TMEM183A: variants seen among roughly 807,000 people sequenced by gnomAD.
TMEM183A encodes the protein chromosome 1 open reading frame 37.
In TMEM183A, 21 loss-of-function variants were observed where a neutral mutation model predicts 46.7. The ratio of observed to expected loss-of-function variants is 0.45; its 90% CI spans 0.32 to 0.65. The LOEUF (loss-of-function observed/expected upper bound fraction) is 0.65, where lower values mean the gene tolerates loss of function less well. Ranked by LOEUF, TMEM183A falls within the 30% of genes least tolerant of loss-of-function variation. The pLI is 0.04. For missense variants in TMEM183A, 331 were observed against 481.9 expected (o/e 0.69, Z 2.93); for synonymous variants, 165 against 180.2 (o/e 0.92, Z 0.68).
In TMEM183A at chr1:203,007,937, C is replaced by T; in HGVS notation, c.199+74C>T. On this transcript the variant is annotated intron_variant, in intron 2 of 7. Transcript: ENST00000367242. ...AGGTATTTTATTTCTGTTTTTCTTG[C>T]AGTCCTTTAGTCGTCTTCCTGTAAC... 1.9e-6 allele frequency: 3 copies of T among 1,571,132 alleles called. No homozygotes were observed. The South Asian group carries it at 3.4e-5, about 18-fold the overall frequency.
At chr1:203,020,334 C>T (rs1558045269) in intron 6 of TMEM183A, among the ~76,000 whole-genome samples, 1 of 152,182 alleles carries the variant, frequency 6.6e-6, no homozygotes, top group Non-Finnish European at 1.5e-5. Context: ...GAAGCAGACA[C>T]TAGGATTACT....
intron 3 of TMEM183A, among the ~76,000 whole-genome samples, chr1:203,012,331 T>C (rs1656738166): frequency 6.6e-6 from 1 of 151,542 alleles, no homozygotes; most frequent in Non-Finnish European, 1.5e-5. Context: ...AATATTTTAG[T>C]AGTTATCTTT....
chr1:203,011,669 A>G (rs1219662643), intron 3 of TMEM183A, among the ~76,000 whole-genome samples: 1 of 152,136 alleles, frequency 6.6e-6, no homozygotes. Flanking sequence ...TCGGCCTCCC[A>G]AAGTGTTGGG....
At position 203,007,592 on chromosome 1, in the gene TMEM183A, G is replaced by C. The variant is rs1488359915; in HGVS notation, c.109+18G>C. On this transcript the variant is annotated intron_variant, in intron 1 of 7. Transcript: ENST00000367242. ...CGGCCGAGGTGGGCGAGGGGGGCAG[G>C]GGCGCTGAAACATTTTGGGGGCTGG... The C allele has an allele frequency of 6.5e-7, 1 of 1,539,506 alleles. No individual in the cohort carries two copies. Among genetic ancestry groups the C allele is most frequent in the Non-Finnish European group, 8.7e-7 (1 of 1,146,442 alleles).
intron 5 of TMEM183A, chr1:203,017,826 C>T: frequency 1.0e-6 from 1 of 985,880 alleles, no homozygotes; most frequent in Non-Finnish European, 1.2e-6. Context: ...AAAGCCAAGC[C>T]CATTAATTTT....
rs141526597 is a variant in TMEM183A, at chr1:203,015,377, C to T, written c.527+329C>T. The T allele has an allele frequency of 1.5e-5, 5 of 332,218 alleles. No individual in the cohort carries two copies. In the East Asian group the frequency reaches 2.6e-4, roughly 17 times the overall value. The allele number at this position is 332,218 out of a possible 1,614,324, so 20.6% of individuals were successfully genotyped here. ...AATGTTTAAAGCTACAGATGCCTAT[C>T]TGCTCATCTTTCCAGCTGGATTAGG... On this transcript the variant is annotated intron_variant, in intron 4 of 7. Transcript: ENST00000367242.
At position 203,024,763 on chromosome 1, in the gene TMEM183A, A is replaced by G. The variant is rs1046542; in HGVS notation, c.*1723A>G. The G allele has an allele frequency of 0.16, 23,639 of 152,224 alleles. 2,236 individuals carry two copies. The highest frequency in any genetic ancestry group is 0.2 in the Non-Finnish European group (13,712 of 68,000). 9.4% of individuals were successfully genotyped at this position (152,224 alleles called of 1,614,324 possible). The stretch of plus-strand genomic sequence containing the variant: ...CCAGGTTGCCTGAACTAAAGATGCC[A>G]TGGAGCAGGAGTGTCTTGGTGCATT... On this transcript the variant is annotated 3_prime_UTR_variant, in exon 8 of 8. Coordinates refer to ENST00000367242, the MANE Select transcript of TMEM183A (RefSeq NM_138391.6).
chr1:203,011,276 C>T (rs774090612), intron 3 of TMEM183A, among the ~76,000 whole-genome samples: 4 of 152,188 alleles, frequency 2.6e-5, no homozygotes, highest in Non-Finnish European at 5.9e-5. Flanking sequence ...TCCTTATCAA[C>T]ACTTGTTATT....
Position 203,007,409 on chromosome 1 carries a change from C to CGCGGAGCCGG in TMEM183A, c.-49_-40dup. 4 of 1,341,154 alleles carry CGCGGAGCCGG rather than the reference C, an allele frequency of 3.0e-6. No individual in the cohort carries two copies. Among genetic ancestry groups the CGCGGAGCCGG allele is most frequent in the Admixed American group, 3.6e-5 (1 of 27,774 alleles). 83.1% of individuals were successfully genotyped at this position (1,341,154 alleles called of 1,614,324 possible). A position where few individuals can be genotyped will look rare whatever the true frequency, so the allele number is the denominator to read the frequency against. On this transcript the variant is annotated 5_prime_UTR_variant, in exon 1 of 8. Transcript: ENST00000367242. ...TTAGCGGCCTCCGGTGTGGGATGGC[C>CGCGGAGCCGG]GCGGAGCCGGGCGGAGCTGGCTTGC...
rs187326922 is a variant in TMEM183A, at chr1:203,023,911, A to T, written c.*871A>T. On this transcript the variant is annotated 3_prime_UTR_variant, in exon 8 of 8. Transcript: ENST00000367242. ...AGGAGTAGGCAGAGTGTACATAGATAAAAAAAAGTAAAAGGGTAAGTAAAA... is the reference window on the plus strand; with the variant it reads ...AGGAGTAGGCAGAGTGTACATAGATTAAAAAAAGTAAAAGGGTAAGTAAAA... The T allele has an allele frequency of 1.1e-4, 16 of 151,962 alleles. No homozygotes were observed. The highest frequency in any genetic ancestry group is 3.1e-4 in the African/African-American group (13 of 41,468). The allele number at this position is 151,962 out of a possible 1,614,324, so 9.4% of individuals were successfully genotyped here.
In TMEM183A at chr1:203,007,392, C is replaced by T. The variant is rs1001443675; in HGVS notation, c.-74C>T. 4 of 1,301,226 alleles carry T rather than the reference C, an allele frequency of 3.1e-6. No homozygotes were observed. Among genetic ancestry groups the T allele is most frequent in the East Asian group, 3.1e-5 (1 of 32,542 alleles). The allele number at this position is 1,301,226 out of a possible 1,614,324, so 80.6% of individuals were successfully genotyped here. On this transcript the variant is annotated 5_prime_UTR_variant, in exon 1 of 8. Coordinates refer to ENST00000367242, the MANE Select transcript of TMEM183A (RefSeq NM_138391.6). The stretch of plus-strand genomic sequence containing the variant: ...CTATGTTCTCGCGAGAGTTAGCGGC[C>T]TCCGGTGTGGGATGGCCGCGGAGCC...
At chr1:203,018,454 GTTTAT>G (rs773566237) in intron 5 of TMEM183A, 22 bp from the exon 6 acceptor site, 2 of 1,578,806 alleles carry the variant, frequency 1.3e-6, no homozygotes, top group African/African-American at 2.8e-5. Context: ...CTTTTTCTTG[GTTTAT>G]TTTATTTTTA....
Position 203,023,910 on chromosome 1 carries a change from TAAAAA to T in TMEM183A, c.*874_*878del, listed in dbSNP as rs200946632. The T allele has an allele frequency of 3.3e-5, 5 of 151,570 alleles. No individual in the cohort carries two copies. Among genetic ancestry groups the T allele is most frequent in the South Asian group, 4.2e-4 (2 of 4,816 alleles). 9.4% of individuals were successfully genotyped at this position (151,570 alleles called of 1,614,324 possible). On this transcript the variant is annotated 3_prime_UTR_variant, in exon 8 of 8. Coordinates refer to ENST00000367242, the MANE Select transcript of TMEM183A (RefSeq NM_138391.6). ...AAGGAGTAGGCAGAGTGTACATAGA[TAAAAA>T]AAAGTAAAAGGGTAAGTAAAAAATT...
chr1:203,017,997 A>C, intron 5 of TMEM183A: 1 of 970,328 alleles, frequency 1.0e-6, no homozygotes. Context: ...AATTCAGCCT[A>C]GCTCTGTAGT....
At chr1:203,008,163 C>G (rs1236561784) in intron 2 of TMEM183A, among the ~76,000 whole-genome samples, 1 of 152,096 alleles carries the variant, frequency 6.6e-6, no homozygotes, top group Non-Finnish European at 1.5e-5. Flanking sequence ...AGTTTGCTTC[C>G]TTGTTTAATA....
intron 7 of TMEM183A, among the ~76,000 whole-genome samples, chr1:203,021,992 A>G (rs1193128082): frequency 6.6e-6 from 1 of 152,146 alleles, no homozygotes; most frequent in Non-Finnish European, 1.5e-5. Flanking sequence ...TGTTCTCTTA[A>G]TGTGTCTGTT....
At chr1:203,021,659 C>T (rs1657693100) in intron 7 of TMEM183A, among the ~76,000 whole-genome samples, 1 of 152,186 alleles carries the variant, frequency 6.6e-6, no homozygotes, top group South Asian at 2.1e-4. Flanking sequence ...TATTAAAATA[C>T]AGGGTGACCA....
intron 5 of TMEM183A, chr1:203,017,746 C>T: frequency 6.1e-6 from 6 of 985,914 alleles, no homozygotes; most frequent in Non-Finnish European, 7.2e-6. Flanking sequence ...CCCCCTCTCT[C>T]TCTTTTCAGT....
chr1:203,014,335 G>T (rs1656959880), intron 3 of TMEM183A, among the ~76,000 whole-genome samples: 3 of 152,148 alleles, frequency 2.0e-5, no homozygotes, highest in Admixed American at 1.3e-4. Context: ...AGGTGCAGTG[G>T]CTCACGCCAG....
Sources: allele counts gnomAD v4.1 joint callset (sites outside exome capture counted in the v4.1 genomes callset), GRCh38; gene constraint gnomAD v4.1.1; transcripts MANE v1.5; gene names NCBI Gene and HGNC (gene_info 2026-07-23, HGNC 2026-07-21).